Variants in PRKN observed in about 807,000 individuals in gnomAD.
PRKN encodes the protein E3 ubiquitin-protein ligase parkin.
PRKN carries 56 observed loss-of-function variants against 59.5 expected under a neutral mutation model. The ratio of observed to expected loss-of-function variants is 0.94; its 90% CI spans 0.76 to 1.18. The LOEUF is 1.18. Ranked by LOEUF, PRKN falls within the 50% of genes most tolerant of loss-of-function variation. PRKN has a pLI of 0.00. For synonymous variants in PRKN, 250 were observed against 222.1 expected, an observed-to-expected ratio of 1.13 and a Z score of -1.12; for missense variants, 657 against 596.4, an observed-to-expected ratio of 1.10 and a Z score of -1.06.
Position 162,011,391 on chromosome 6 carries a change from A to G in PRKN, c.619-37974T>C, listed in dbSNP as rs1782683440. On this transcript the variant is annotated intron_variant, in intron 5 of 11. Coordinates refer to ENST00000366898, the MANE Select transcript of PRKN (RefSeq NM_004562.3). ...ATATAATATATTATATATTTATAAT[A>G]TATATTATAAATATATAATATATTA... Among the ~76,000 whole-genome samples the G allele has an allele frequency of 2.2e-4, 3 of 13,582 alleles. 1 individual carries two copies. The South Asian group carries it at 4.4e-3, about 20-fold the overall frequency. The allele number at this position is 13,582 out of a possible 152,430, so 8.9% of individuals were successfully genotyped here.
At chr6:161,684,196 T>G (rs972122388) in intron 7 of PRKN, among the ~76,000 whole-genome samples, 1 of 152,112 alleles carries the variant, frequency 6.6e-6, no homozygotes, top group Non-Finnish European at 1.5e-5. Flanking sequence ...GGAGAAAACA[T>G]TTTTCAAAAA....
At chr6:162,639,507 C>T (rs1249663851) in intron 1 of PRKN, among the ~76,000 whole-genome samples, 1 of 152,098 alleles carries the variant, frequency 6.6e-6, no homozygotes, top group Non-Finnish European at 1.5e-5. Context: ...TAATGTCCAA[C>T]AGGGCAATAA....
At chr6:161,437,791 G>C (rs982135515) in intron 9 of PRKN, among the ~76,000 whole-genome samples, 1 of 152,184 alleles carries the variant, frequency 6.6e-6, no homozygotes, top group African/African-American at 2.4e-5. Context: ...AGCAGGGCTA[G>C]TCTGTGACAT....
intron 1 of PRKN, among the ~76,000 whole-genome samples, chr6:162,504,252 G>A (rs1179828790): frequency 6.6e-6 from 1 of 152,174 alleles, no homozygotes; most frequent in Non-Finnish European, 1.5e-5. Flanking sequence ...GAGCATACTT[G>A]CTAATACGAG....
intron 2 of PRKN, among the ~76,000 whole-genome samples, chr6:162,358,871 C>G (rs1335965609): frequency 6.6e-6 from 1 of 151,494 alleles, no homozygotes; most frequent in Non-Finnish European, 1.5e-5. Flanking sequence ...ATAAGCCTGG[C>G]CAACATGGTG....
intron 3 of PRKN, among the ~76,000 whole-genome samples, chr6:162,207,550 C>T (rs1233649744): frequency 6.6e-6 from 1 of 152,172 alleles, no homozygotes; most frequent in African/African-American, 2.4e-5. Flanking sequence ...AACCGATTCA[C>T]TTGACCGTCC....
At chr6:162,199,364 AG>A (rs1363148517) in intron 4 of PRKN, among the ~76,000 whole-genome samples, 1 of 152,226 alleles carries the variant, frequency 6.6e-6, no homozygotes, top group Non-Finnish European at 1.5e-5. Flanking sequence ...CATCTAAAAT[AG>A]GGTTACTAAT....
intron 5 of PRKN, among the ~76,000 whole-genome samples, chr6:162,005,252 T>A (rs2128264558): frequency 6.6e-6 from 1 of 152,330 alleles, no homozygotes; most frequent in Admixed American, 6.5e-5. Context: ...TGCATTTGAC[T>A]CTTTATTGGT....
At chr6:162,027,999 A>T (rs1160118283) in intron 5 of PRKN, among the ~76,000 whole-genome samples, 1 of 152,064 alleles carries the variant, frequency 6.6e-6, no homozygotes, top group Non-Finnish European at 1.5e-5. Context: ...AAAAAATCAC[A>T]TAAGAAATAT....
intron 1 of PRKN, among the ~76,000 whole-genome samples, chr6:162,476,436 T>C (rs542117313): frequency 3.3e-5 from 5 of 152,290 alleles, no homozygotes; most frequent in African/African-American, 1.2e-4. Context: ...AAGATTTCTT[T>C]AAAGTGGTAA....
Position 161,417,491 on chromosome 6 carries a change from C to T in PRKN, c.1084-30614G>A, listed in dbSNP as rs1040175444. On this transcript the variant is annotated intron_variant, in intron 9 of 11. Coordinates refer to ENST00000366898, the MANE Select transcript of PRKN (RefSeq NM_004562.3). The surrounding 1 kb of genome is among the most constrained non-coding windows in gnomAD (Gnocchi z 5.4). ...GTCATCTAATGCCTCCAAGACCACA[C>T]GCTATTGATTTAATCTCTGAATTAA... 2.6e-4 allele frequency among the ~76,000 whole-genome samples: 39 copies of T among 150,940 alleles called. No homozygotes were observed. The highest frequency in any genetic ancestry group is 7.8e-4 in the African/African-American group (32 of 41,102).
intron 9 of PRKN, among the ~76,000 whole-genome samples, chr6:161,515,654 A>G (rs551962): frequency 0.66 from 99,920 of 152,106 alleles, 32,869 homozygotes; most frequent in Middle Eastern, 0.72. Context: ...TTGAATAAAT[A>G]AAGTTAAAAT....
intron 9 of PRKN, among the ~76,000 whole-genome samples, chr6:161,515,364 T>TC (rs111998947): frequency 1.8e-3 from 272 of 152,232 alleles, no homozygotes; most frequent in African/African-American, 6.2e-3. Flanking sequence ...TGTGAGTTTT[T>TC]ATCCATGTAC....
At position 161,480,309 on chromosome 6, in the gene PRKN, T is replaced by C. The variant is rs1416186810; in HGVS notation, c.1083+68545A>G. Among the ~76,000 whole-genome samples, 1 of 149,756 alleles carries C rather than the reference T, an allele frequency of 6.7e-6. No homozygotes were observed. The highest frequency in any genetic ancestry group is 2.0e-4 in the East Asian group (1 of 5,126). On this transcript the variant is annotated intron_variant, in intron 9 of 11. Coordinates refer to ENST00000366898, the MANE Select transcript of PRKN (RefSeq NM_004562.3). This position sits in a 1 kb window ranked among gnomAD's most constrained non-coding sequence, Gnocchi z 4.1. ...CAAACTCTGGGGGGCCCTGTGAGTA[T>C]GGGGCCCTGTGAGTATGGGGCCCTG...
chr6:161,783,631 ATG>A (rs1387827967), intron 7 of PRKN: 1 of 499,014 alleles, frequency 2.0e-6, no homozygotes, highest in African/African-American at 2.0e-5. Flanking sequence ...AGACTTGAAA[ATG>A]TGTGTTTAGA....
chr6:162,401,988 C>T (rs530737735), intron 2 of PRKN, among the ~76,000 whole-genome samples: 1 of 152,132 alleles, frequency 6.6e-6, no homozygotes, highest in South Asian at 2.1e-4. Flanking sequence ...AGTGGCTCAT[C>T]CCAGTAATCC....
intron 7 of PRKN, among the ~76,000 whole-genome samples, chr6:161,685,059 A>G (rs1785503605): frequency 1.3e-5 from 2 of 152,216 alleles, no homozygotes; most frequent in African/African-American, 2.4e-5. Context: ...TTCCTATTAG[A>G]ACATCGAATA....
chr6:162,244,589 A>C (rs956344308), intron 3 of PRKN, among the ~76,000 whole-genome samples: 1 of 152,090 alleles, frequency 6.6e-6, no homozygotes, highest in Non-Finnish European at 1.5e-5. Context: ...TTCACGCCAA[A>C]TGAACAGGCC....
intron 4 of PRKN, 134 bp downstream of exon 4, chr6:162,200,997 A>T: frequency 9.9e-7 from 1 of 1,012,260 alleles, no homozygotes; most frequent in Non-Finnish European, 1.5e-6. Context: ...GGCTATCATT[A>T]ACTATCACAA....
Sources: gnomAD v4.1 joint callset for allele counts (sites outside exome capture counted in the v4.1 genomes callset) on GRCh38, gnomAD v4.1.1 for gene constraint, Gnocchi (gnomAD v3.1) non-coding constraint, MANE v1.5 for transcripts, NCBI Gene and HGNC (gene_info 2026-07-23, HGNC 2026-07-21) for gene names.